Variants in UBE2E2 observed in about 807,000 individuals in gnomAD.
UBE2E2 encodes the protein ubiquitin conjugating enzyme E2 E2.
UBE2E2 carries 6 observed loss-of-function variants against 24.7 expected under a neutral mutation model. The ratio of observed to expected loss-of-function variants is 0.24; its 90% CI spans 0.13 to 0.48. UBE2E2 has a LOEUF of 0.48. Among genes scored for constraint, UBE2E2 ranks in the 20% least tolerant of loss-of-function variants. The probability of loss-of-function intolerance (pLI) is 0.99; values close to 1 mark genes in which losing one functional copy is unlikely to be tolerated. For synonymous variants in UBE2E2, 104 were observed against 83.6 expected, an observed-to-expected ratio of 1.24 and a Z score of -1.33; for missense variants, 169 against 245.0, an observed-to-expected ratio of 0.69 and a Z score of 2.07.
intron 3 of UBE2E2, among the ~76,000 whole-genome samples, chr3:23,434,652 A>C (rs1315974027): frequency 2.6e-5 from 4 of 152,200 alleles, no homozygotes; most frequent in East Asian, 1.9e-4. Flanking sequence ...TGTATAAATT[A>C]GGTAATTGCA....
intron 3 of UBE2E2, among the ~76,000 whole-genome samples, chr3:23,353,322 G>A (rs1695823713): frequency 3.3e-5 from 5 of 151,844 alleles, no homozygotes; most frequent in Admixed American, 2.6e-4. Flanking sequence ...TTGAAAACTG[G>A]CACAAGACAG....
At chr3:23,561,277 G>T (rs1695923401) in intron 5 of UBE2E2, among the ~76,000 whole-genome samples, 1 of 152,184 alleles carries the variant, frequency 6.6e-6, no homozygotes, top group South Asian at 2.1e-4. Context: ...TCCAGTTTCA[G>T]CTTTCTCCAT....
chr3:23,241,004 G>C (rs182878519), intron 3 of UBE2E2, among the ~76,000 whole-genome samples: 1 of 152,072 alleles, frequency 6.6e-6, no homozygotes, highest in Non-Finnish European at 1.5e-5. Flanking sequence ...TTTAGCTTCT[G>C]TGGATAACTG....
At chr3:23,234,665 G>A (rs1697060320) in intron 3 of UBE2E2, among the ~76,000 whole-genome samples, 1 of 152,130 alleles carries the variant, frequency 6.6e-6, no homozygotes, top group Admixed American at 6.6e-5. Context: ...GAAGGAGGTA[G>A]GGGGCAGTCT....
chr3:23,366,970 C>CA (rs538591531), intron 3 of UBE2E2, among the ~76,000 whole-genome samples: 55 of 152,098 alleles, frequency 3.6e-4, no homozygotes, highest in Middle Eastern at 3.4e-3. Flanking sequence ...ATAATTTTTA[C>CA]AAAAAAATAG....
intron 5 of UBE2E2, among the ~76,000 whole-genome samples, chr3:23,579,278 A>T (rs1276526038): frequency 6.6e-6 from 1 of 151,448 alleles, no homozygotes; most frequent in African/African-American, 2.4e-5. Flanking sequence ...CCAGCTGCTC[A>T]GGAGGCTGAG....
At chr3:23,388,781 C>A (rs185023666) in intron 3 of UBE2E2, among the ~76,000 whole-genome samples, 1 of 151,904 alleles carries the variant, frequency 6.6e-6, no homozygotes, top group Non-Finnish European at 1.5e-5. Context: ...CCAAGGCAGG[C>A]GGATCATGAG....
chr3:23,505,600 G>A (rs1302121050), intron 4 of UBE2E2, among the ~76,000 whole-genome samples: 1 of 152,132 alleles, frequency 6.6e-6, no homozygotes, highest in African/African-American at 2.4e-5. Flanking sequence ...TCAGTAAAGT[G>A]TCTGTAAGTG....
At chr3:23,382,265 A>G (rs528016893) in intron 3 of UBE2E2, among the ~76,000 whole-genome samples, 17 of 135,642 alleles carry the variant, frequency 1.3e-4, no homozygotes, top group African/African-American at 4.5e-4. Flanking sequence ...CACCGCAGCC[A>G]CCACCTATCG....
At chr3:23,266,501 C>G (rs539698932) in intron 3 of UBE2E2, among the ~76,000 whole-genome samples, 1 of 151,762 alleles carries the variant, frequency 6.6e-6, no homozygotes, top group Non-Finnish European at 1.5e-5. Flanking sequence ...GAGTTTCTGC[C>G]GAGAGATCAG....
At chr3:23,469,653 A>C (rs964175399) in intron 3 of UBE2E2, among the ~76,000 whole-genome samples, 1 of 152,228 alleles carries the variant, frequency 6.6e-6, no homozygotes, top group African/African-American at 2.4e-5. Context: ...TGGTAGAAGA[A>C]GAGCTATATT....
intron 3 of UBE2E2, among the ~76,000 whole-genome samples, chr3:23,257,503 G>T (rs1419119265): frequency 5.9e-4 from 36 of 61,054 alleles, no homozygotes; most frequent in Admixed American, 1.4e-3. Flanking sequence ...TCTTCTGGCT[G>T]TTTCCCGTGC....
intron 3 of UBE2E2, among the ~76,000 whole-genome samples, chr3:23,482,756 G>A (rs961288572): frequency 1.3e-5 from 2 of 152,064 alleles, no homozygotes; most frequent in Non-Finnish European, 2.9e-5. Flanking sequence ...AGGGATTTAA[G>A]GAGGAAAAAA....
At chr3:23,516,950 C>G (rs1385860392) in intron 4 of UBE2E2, among the ~76,000 whole-genome samples, 1 of 151,988 alleles carries the variant, frequency 6.6e-6, no homozygotes, top group African/African-American at 2.4e-5. Flanking sequence ...GTTTTTACTT[C>G]AAACAAAACT....
intron 3 of UBE2E2, among the ~76,000 whole-genome samples, chr3:23,453,043 T>C (rs1470958193): frequency 6.6e-6 from 1 of 152,202 alleles, no homozygotes; most frequent in Non-Finnish European, 1.5e-5. Context: ...GAAAAATAAC[T>C]GCTCTTCAAA....
intron 3 of UBE2E2, among the ~76,000 whole-genome samples, chr3:23,285,564 A>G (rs1698597172): frequency 6.6e-6 from 1 of 152,152 alleles, no homozygotes; most frequent in Admixed American, 6.5e-5. Context: ...GATAAAAGTC[A>G]TTTTAACTGG....
chr3:23,445,228 G>A (rs1435634449), intron 3 of UBE2E2, among the ~76,000 whole-genome samples: 4 of 152,120 alleles, frequency 2.6e-5, no homozygotes, highest in Non-Finnish European at 4.4e-5. Flanking sequence ...ATAGAATAAA[G>A]TATCCTATTC....
intron 5 of UBE2E2, among the ~76,000 whole-genome samples, chr3:23,578,303 A>G (rs1250341455): frequency 6.6e-6 from 1 of 152,242 alleles, no homozygotes; most frequent in Non-Finnish European, 1.5e-5. Flanking sequence ...AACATTGCAG[A>G]GAAAAAGGAA....
chr3:23,438,358 T>G (rs989161441), intron 3 of UBE2E2, among the ~76,000 whole-genome samples: 2 of 152,216 alleles, frequency 1.3e-5, no homozygotes, highest in African/African-American at 4.8e-5. Flanking sequence ...GAACATCAGC[T>G]TTATTCCATA....
Sources: allele counts gnomAD v4.1 joint callset (sites outside exome capture counted in the v4.1 genomes callset), GRCh38; gene constraint gnomAD v4.1.1; transcripts MANE v1.5; gene names NCBI Gene and HGNC (gene_info 2026-07-23, HGNC 2026-07-21).